The following NEGR1 variants were observed in gnomAD, a reference collection of about 807,000 sequenced individuals.
The protein encoded by NEGR1 is IgLON family member 4.
A neutral mutation model predicts 40.9 loss-of-function variants in NEGR1; 10 were observed. The observed-to-expected ratio is 0.24, with a 90% CI of 0.15 to 0.42. The LOEUF (loss-of-function observed/expected upper bound fraction) is 0.42. Among genes scored for constraint, NEGR1 ranks in the 10% least tolerant of loss-of-function variants. The pLI is 1.00. For missense variants in NEGR1, 352 were observed against 438.9 expected, an observed-to-expected ratio of 0.80 and a Z score of 1.77; for synonymous variants, 185 against 166.8, an observed-to-expected ratio of 1.11 and a Z score of -0.84.
chr1:72,004,886 A>G (rs1646592599), intron 1 of NEGR1, among the ~76,000 whole-genome samples: 2 of 152,158 alleles, frequency 1.3e-5, no homozygotes, highest in Admixed American at 1.3e-4. Context: ...AACAAAGGCA[A>G]AAGAATTGAA....
intron 2 of NEGR1, among the ~76,000 whole-genome samples, chr1:71,819,971 G>C (rs1482918864): frequency 6.6e-6 from 1 of 152,138 alleles, no homozygotes; most frequent in East Asian, 1.9e-4. Context: ...AGAACCAGAA[G>C]GGGGACAGGC....
At chr1:72,159,014 T>C (rs1417354490) in intron 1 of NEGR1, among the ~76,000 whole-genome samples, 1 of 152,162 alleles carries the variant, frequency 6.6e-6, no homozygotes, top group Non-Finnish European at 1.5e-5. Flanking sequence ...ATAAAACATC[T>C]GCTGAGACTG....
chr1:71,837,508 AT>A (rs1659082074), intron 2 of NEGR1, among the ~76,000 whole-genome samples: 1 of 152,012 alleles, frequency 6.6e-6, no homozygotes, highest in African/African-American at 2.4e-5. Context: ...TGTTAAATAC[AT>A]TCATTTTTTG....
chr1:71,791,654 C>T (rs903857743), intron 2 of NEGR1, among the ~76,000 whole-genome samples: 4 of 152,038 alleles, frequency 2.6e-5, no homozygotes, highest in Non-Finnish European at 5.9e-5. Flanking sequence ...CAAAGGCATG[C>T]TCTTGCCCTT....
At chr1:71,903,084 G>T (rs966540112) in intron 2 of NEGR1, among the ~76,000 whole-genome samples, 3 of 151,684 alleles carry the variant, frequency 2.0e-5, no homozygotes, top group African/African-American at 7.3e-5. Flanking sequence ...CAAATAAAAA[G>T]GAAGAAACTT....
chr1:72,108,229 T>A (rs1382131514), intron 1 of NEGR1, among the ~76,000 whole-genome samples: 1 of 151,638 alleles, frequency 6.6e-6, no homozygotes, highest in Non-Finnish European at 1.5e-5. Flanking sequence ...AGATTCAGAT[T>A]TTCTGATTTT....
In NEGR1 at chr1:71,405,247, C is replaced by T. The variant is rs1646271218; in HGVS notation, c.*2199G>A. 1 of 152,190 alleles carries T rather than the reference C, an allele frequency of 6.6e-6. No homozygotes were observed. The highest frequency in any genetic ancestry group is 2.4e-5 in the African/African-American group (1 of 41,404). 9.4% of individuals were successfully genotyped at this position (152,190 alleles called of 1,614,324 possible). ...TACCTCAATTTACCTACAAACCTTA[C>T]AAAGAGGAGGTATTTTAACTCTAGG... is the stretch of plus-strand genomic sequence containing the variant. On this transcript the variant is annotated 3_prime_UTR_variant, in exon 7 of 7. Coordinates refer to ENST00000357731, the MANE Select transcript of NEGR1 (RefSeq NM_173808.3).
At chr1:71,688,384 G>GAT (rs1553158644) in intron 4 of NEGR1, among the ~76,000 whole-genome samples, 3 of 31,722 alleles carry the variant, frequency 9.5e-5, no homozygotes, top group Middle Eastern at 0.023. Context: ...ATACATAAAA[G>GAT]ATATATAAAA....
Position 71,530,994 on chromosome 1 carries a change from C to T in NEGR1, c.940+61823G>A, listed in dbSNP as rs1647340703. ...GTTACTTTACCAATATTGACTTACT[C>T]AATTTTCATAATAACTCCATGTACT... is the stretch of plus-strand genomic sequence containing the variant. On this transcript the variant is annotated intron_variant, in intron 6 of 6. Transcript: ENST00000357731. Among the ~76,000 whole-genome samples, 4 of 151,214 alleles carry T rather than the reference C, an allele frequency of 2.6e-5. No homozygotes were observed. The Admixed American group carries it at 2.6e-4, about 10-fold the overall frequency.
chr1:72,258,132 G>T lies in NEGR1; in HGVS notation c.176+24187C>A, dbSNP rs373581449. Among the ~76,000 whole-genome samples the T allele has an allele frequency of 1.3e-4, 20 of 152,262 alleles. No homozygotes were observed. In the East Asian group the frequency reaches 3.3e-3, roughly 25 times the overall value. The stretch of plus-strand genomic sequence containing the variant: ...TCAAGGGCCACTGGGCTATGACTCA[G>T]TAGTTCTCAACTCAGGGTGATTTTG... On this transcript the variant is annotated intron_variant, in intron 1 of 6. Coordinates refer to ENST00000357731, the MANE Select transcript of NEGR1 (RefSeq NM_173808.3).
At chr1:71,441,164 A>G (rs538497440) in intron 6 of NEGR1, among the ~76,000 whole-genome samples, 21 of 152,358 alleles carry the variant, frequency 1.4e-4, no homozygotes, top group African/African-American at 5.0e-4. Flanking sequence ...ATGTGTGGCC[A>G]TGTGGTGAAT....
intron 4 of NEGR1, among the ~76,000 whole-genome samples, chr1:71,678,845 T>C (rs1041792091): frequency 1.3e-5 from 2 of 152,042 alleles, no homozygotes; most frequent in African/African-American, 4.8e-5. Flanking sequence ...GAGGATGGGA[T>C]ACCATATTGA....
chr1:72,107,912 T>A (rs1479428844), intron 1 of NEGR1, among the ~76,000 whole-genome samples: 2 of 149,734 alleles, frequency 1.3e-5, no homozygotes, highest in Non-Finnish European at 3.0e-5. Flanking sequence ...TCTTCAAAGC[T>A]AAAAAAAAAC....
chr1:71,574,257 C>A (rs1216632827), intron 6 of NEGR1, among the ~76,000 whole-genome samples: 2 of 152,166 alleles, frequency 1.3e-5, no homozygotes, highest in Admixed American at 1.3e-4. Context: ...CTGACACAAA[C>A]ATGTTGACTT....
At chr1:72,134,644 CT>C (rs57127142) in intron 1 of NEGR1, among the ~76,000 whole-genome samples, 7,359 of 146,394 alleles carry the variant, frequency 0.05, 353 homozygotes, top group African/African-American at 0.13. Context: ...TAGAGGTTTC[CT>C]TTTTTTTTTT....
At chr1:71,499,456 A>G (rs1001056531) in intron 6 of NEGR1, among the ~76,000 whole-genome samples, 1 of 147,972 alleles carries the variant, frequency 6.8e-6, no homozygotes, top group Non-Finnish European at 1.5e-5. Context: ...ATATAATTAT[A>G]TATAAAATGT....
At chr1:72,110,416 T>C (rs967661244) in intron 1 of NEGR1, among the ~76,000 whole-genome samples, 1 of 151,634 alleles carries the variant, frequency 6.6e-6, no homozygotes, top group African/African-American at 2.4e-5. Flanking sequence ...AAAAACAAAG[T>C]ATTAAACTGA....
intron 1 of NEGR1, among the ~76,000 whole-genome samples, chr1:72,140,256 A>T (rs1650622785): frequency 1.9e-5 from 2 of 104,478 alleles, no homozygotes; most frequent in African/African-American, 7.2e-5. Context: ...TTGTTGTTAC[A>T]GTTGTTTTTT....
chr1:71,654,581 G>A (rs1364930235), intron 4 of NEGR1, among the ~76,000 whole-genome samples: 1 of 151,962 alleles, frequency 6.6e-6, no homozygotes, highest in Non-Finnish European at 1.5e-5. Flanking sequence ...ATCTATTATG[G>A]GTTTTTGGAA....
Sources: gnomAD v4.1 joint callset for allele counts (sites outside exome capture counted in the v4.1 genomes callset) on GRCh38, gnomAD v4.1.1 for gene constraint, MANE v1.5 for transcripts, NCBI Gene and HGNC (gene_info 2026-07-23, HGNC 2026-07-21) for gene names.